Variants in DPP6 observed in about 807,000 individuals in gnomAD.
DPP6 encodes dipeptidyl peptidase like 6, also known as A-type potassium channel modulatory protein DPP6.
Under a neutral mutation model 122.6 loss-of-function variants are expected in DPP6, and 69 were observed. The ratio of observed to expected loss-of-function variants is 0.56; its 90% CI spans 0.46 to 0.69. The LOEUF is 0.69. Among genes scored for constraint, DPP6 ranks in the 30% least tolerant of loss-of-function variants. DPP6 has a pLI of 0.00. For synonymous variants in DPP6, 418 were observed against 433.1 expected, an observed-to-expected ratio of 0.97 and a Z score of 0.43; for missense variants, 928 against 1,116.9, an observed-to-expected ratio of 0.83 and a Z score of 2.41.
At chr7:154,533,265 C>G (rs1827983798) in intron 3 of DPP6, among the ~76,000 whole-genome samples, 1 of 152,130 alleles carries the variant, frequency 6.6e-6, no homozygotes, top group African/African-American at 2.4e-5. Context: ...GGTGCCTCAG[C>G]CATGAGACCC....
Position 153,937,908 on chromosome 7 carries a change from C to G in DPP6, c.51+50174C>G, listed in dbSNP as rs538593677. On this transcript the variant is annotated intron_variant, in intron 1 of 25. Transcript: ENST00000404039. ...AGCAAGAACGCACCCTTTGGTTAAG[C>G]CTGTTGGAATTACACATGCCAGATC... Among the ~76,000 whole-genome samples, 6 of 152,214 alleles carry G rather than the reference C, an allele frequency of 3.9e-5. No homozygotes were observed. In the Middle Eastern group the frequency reaches 0.017, roughly 431 times the overall value.
At chr7:154,880,854 C>T in intron 20 of DPP6, 34 bp from the exon 21 acceptor site, 4 of 1,613,918 alleles carry the variant, frequency 2.5e-6, no homozygotes, top group Non-Finnish European at 3.4e-6. Context: ...GCAGGATGTG[C>T]ACTGAACCCT....
intron 8 of DPP6, among the ~76,000 whole-genome samples, chr7:154,748,994 G>C (rs1028657258): frequency 1.3e-5 from 2 of 152,202 alleles, no homozygotes; most frequent in Non-Finnish European, 2.9e-5. Context: ...TACTGAGAGA[G>C]GGTGAGGGAG....
At chr7:153,891,785 C>G (rs1162279979) in intron 1 of DPP6, among the ~76,000 whole-genome samples, 1 of 152,148 alleles carries the variant, frequency 6.6e-6, no homozygotes, top group Non-Finnish European at 1.5e-5. Context: ...GGCGTCTCCC[C>G]CTTCCTTGGT....
chr7:153,918,978 CAAAAAAA>C (rs386411718), intron 1 of DPP6, among the ~76,000 whole-genome samples: 3 of 89,344 alleles, frequency 3.4e-5, no homozygotes, highest in East Asian at 3.3e-4. Flanking sequence ...GACTCTGTCT[CAAAAAAA>C]AAAAAAAAAA....
chr7:154,447,390 T>C (rs1819973806), intron 2 of DPP6, among the ~76,000 whole-genome samples: 1 of 152,164 alleles, frequency 6.6e-6, no homozygotes, highest in African/African-American at 2.4e-5. Context: ...TTATCCGTTC[T>C]CATGATCATA....
chr7:153,988,447 A>G (rs1355907677), intron 1 of DPP6, among the ~76,000 whole-genome samples: 1 of 152,178 alleles, frequency 6.6e-6, no homozygotes, highest in Non-Finnish European at 1.5e-5. Flanking sequence ...GCAAAGGGCA[A>G]AGAGATGGAC....
At chr7:153,847,957 G>A in the DPP6 span, among the ~76,000 whole-genome samples, 1 of 152,282 alleles carries the variant, frequency 6.6e-6, no homozygotes, top group South Asian at 2.1e-4. Context: ...ACAGGCCTGT[G>A]GTTTTCTACT....
At chr7:154,832,857 C>T (rs1800739900) in intron 16 of DPP6, among the ~76,000 whole-genome samples, 1 of 152,206 alleles carries the variant, frequency 6.6e-6, no homozygotes, top group Non-Finnish European at 1.5e-5. Context: ...ATGGTGTTGC[C>T]TCCAACATGT....
chr7:153,759,469 G>A, the DPP6 span, among the ~76,000 whole-genome samples: 2 of 151,936 alleles, frequency 1.3e-5, no homozygotes, highest in Non-Finnish European at 2.9e-5. Context: ...CTACAGGCAC[G>A]CACCACCACA....
chr7:154,296,769 G>A (rs551573691), intron 1 of DPP6, among the ~76,000 whole-genome samples: 1 of 152,224 alleles, frequency 6.6e-6, no homozygotes, highest in East Asian at 1.9e-4. Flanking sequence ...AGTGGGTATG[G>A]ATTTGGTGAA....
At chr7:154,097,462 C>T (rs1334024827) in intron 1 of DPP6, among the ~76,000 whole-genome samples, 4 of 152,266 alleles carry the variant, frequency 2.6e-5, no homozygotes, top group Non-Finnish European at 4.4e-5. Flanking sequence ...CAGGGCTTCA[C>T]ACTGGACATG....
Position 154,581,333 on chromosome 7 carries a change from G to A in DPP6, c.627+14417G>A, listed in dbSNP as rs73483866. ...GACTGGCAGAGGAGATTTGTGTGGG[G>A]AAAAGGAGACAGAGGGGACAGGAAG... is the stretch of plus-strand genomic sequence containing the variant. On this transcript the variant is annotated intron_variant, in intron 5 of 25. Coordinates refer to ENST00000377770, the MANE Select transcript of DPP6 (RefSeq NM_130797.4). Among the ~76,000 whole-genome samples, 1,079 of 152,246 alleles carry A rather than the reference G, an allele frequency of 7.1e-3. 10 individuals are homozygous for A. The highest frequency in any genetic ancestry group is 0.025 in the African/African-American group (1,027 of 41,542).
chr7:154,418,910 G>A (rs1321910877), intron 1 of DPP6, among the ~76,000 whole-genome samples: 2 of 152,212 alleles, frequency 1.3e-5, no homozygotes, highest in African/African-American at 2.4e-5. Flanking sequence ...GCCAACCAGG[G>A]CAAGGCTGTG....
chr7:154,086,878 A>AAGTAGAGCCT (rs1804464876), intron 1 of DPP6, among the ~76,000 whole-genome samples: 1 of 152,106 alleles, frequency 6.6e-6, no homozygotes, highest in Non-Finnish European at 1.5e-5. Flanking sequence ...TGGCCTCCTA[A>AAGTAGAGCCT]AGTAGAGCCT....
chr7:153,983,708 GTTGTGAAGACCGTGGGA>G (rs901434555), intron 1 of DPP6, among the ~76,000 whole-genome samples: 11 of 151,928 alleles, frequency 7.2e-5, no homozygotes, highest in Non-Finnish European at 1.6e-4. Flanking sequence ...TGGTCTGTGG[GTTGTGAAGACCGTGGGA>G]AAAGCCTAGT....
intron 1 of DPP6, among the ~76,000 whole-genome samples, chr7:154,292,124 G>A (rs1433137109): frequency 6.6e-6 from 1 of 152,046 alleles, no homozygotes; most frequent in African/African-American, 2.4e-5. Flanking sequence ...TCAAAACCAG[G>A]TCAATATAGA....
chr7:154,824,442 G>C (rs948261395), intron 16 of DPP6, among the ~76,000 whole-genome samples: 5 of 152,120 alleles, frequency 3.3e-5, no homozygotes, highest in Admixed American at 6.6e-5. Flanking sequence ...ACCACACCCA[G>C]CTAATTTTGT....
chr7:154,357,946 CAAA>C (rs563436108), intron 1 of DPP6, among the ~76,000 whole-genome samples: 1 of 123,970 alleles, frequency 8.1e-6, no homozygotes, highest in African/African-American at 2.8e-5. Context: ...AACTTCGTCT[CAAA>C]AAAAAAAAAA....
Sources: gnomAD v4.1 joint callset for allele counts (sites outside exome capture counted in the v4.1 genomes callset) on GRCh38, gnomAD v4.1.1 for gene constraint, MANE v1.5 for transcripts, NCBI Gene and HGNC (gene_info 2026-07-23, HGNC 2026-07-21) for gene names.